The following HELZ variants were observed in gnomAD, a reference collection of about 807,000 sequenced individuals.
HELZ encodes the protein ATP-dependent RNA helicase with zinc finger domain.
In HELZ, 23 loss-of-function variants were observed where a neutral mutation model predicts 218.2. The observed-to-expected ratio is 0.11, with a 90% CI of 0.08 to 0.15. The LOEUF (loss-of-function observed/expected upper bound fraction) is 0.15. Ranked by LOEUF, HELZ falls within the 10% of genes least tolerant of loss-of-function variation. HELZ has a pLI of 1.00. For synonymous variants in HELZ, 814 were observed against 829.4 expected (o/e 0.98, Z 0.32); for missense variants, 1,813 against 2,353.7 (o/e 0.77, Z 4.75).
intron 3 of HELZ, among the ~76,000 whole-genome samples, chr17:67,233,288 G>A (rs2041086929): frequency 6.6e-6 from 1 of 152,204 alleles, no homozygotes; most frequent in South Asian, 2.1e-4. Context: ...GGGATGCGGA[G>A]GCTGCAGTGA....
At chr17:67,085,864 G>A (rs2036354884) in intron 32 of HELZ, among the ~76,000 whole-genome samples, 1 of 152,142 alleles carries the variant, frequency 6.6e-6, no homozygotes, top group Non-Finnish European at 1.5e-5. Flanking sequence ...CATCTTTAAG[G>A]CTAAAGAGGA....
chr17:67,128,948 C>A lies in HELZ; in HGVS notation c.3183-93G>T, dbSNP rs2037889258. The stretch of plus-strand genomic sequence containing the variant: ...ACTAAAGATAATCTCAAATTCCACC[C>A]CCAACCTCAAATCCTTAAACCCAAT... On this transcript the variant is annotated intron_variant, in intron 23 of 32. Coordinates refer to ENST00000358691, the MANE Select transcript of HELZ (RefSeq NM_014877.4). The A allele has an allele frequency of 4.2e-6, 4 of 961,402 alleles. No homozygotes were observed. In the Admixed American group the frequency reaches 7.9e-5, roughly 19 times the overall value. The allele number at this position is 961,402 out of a possible 1,614,324, so 59.6% of individuals were successfully genotyped here. A position where few individuals can be genotyped will look rare whatever the true frequency, so the allele number is the denominator to read the frequency against.
chr17:67,091,070 C>T (rs1476428037), intron 31 of HELZ, among the ~76,000 whole-genome samples: 1 of 152,036 alleles, frequency 6.6e-6, no homozygotes, highest in Non-Finnish European at 1.5e-5. Flanking sequence ...TTCCCTCTGA[C>T]ATGGCTTGAG....
At chr17:67,111,553 G>A (rs1320199656) in intron 28 of HELZ, among the ~76,000 whole-genome samples, 2 of 152,140 alleles carry the variant, frequency 1.3e-5, no homozygotes, top group Non-Finnish European at 2.9e-5. Context: ...TGCAGCTGGG[G>A]TACACTTGGT....
At chr17:67,242,606 T>C (rs1310585405) in intron 2 of HELZ, among the ~76,000 whole-genome samples, 1 of 150,212 alleles carries the variant, frequency 6.7e-6, no homozygotes, top group Non-Finnish European at 1.5e-5. Context: ...AAAGTTCAAA[T>C]TGGGAGGTCT....
At position 67,128,640 on chromosome 17, in the gene HELZ, A is replaced by G; in HGVS notation, c.3387+11T>C. 1 of 1,612,260 alleles carries G rather than the reference A, an allele frequency of 6.2e-7. No homozygotes were observed. The highest frequency in any genetic ancestry group is 8.5e-7 in the Non-Finnish European group (1 of 1,178,274). ...CTTTAACCTCTTCAATTTCATTAAC[A>G]GAGGCTTTACCTTGGGTGGTGATTG... is the stretch of plus-strand genomic sequence containing the variant. On this transcript the variant is annotated intron_variant, in intron 24 of 32. Coordinates refer to ENST00000358691, the MANE Select transcript of HELZ (RefSeq NM_014877.4).
intron 31 of HELZ, among the ~76,000 whole-genome samples, chr17:67,105,803 TA>T (rs1233430059): frequency 6.6e-6 from 1 of 152,242 alleles, no homozygotes; most frequent in Non-Finnish European, 1.5e-5. Flanking sequence ...ATTGTGCTTC[TA>T]ACTTACTTTA....
intron 23 of HELZ, among the ~76,000 whole-genome samples, chr17:67,134,713 T>G (rs182808227): frequency 6.6e-6 from 1 of 151,974 alleles, no homozygotes; most frequent in East Asian, 1.9e-4. Context: ...AACACAAAAA[T>G]AGATAATAAA....
intron 5 of HELZ, among the ~76,000 whole-genome samples, chr17:67,214,862 G>T (rs549848224): frequency 6.6e-6 from 1 of 152,052 alleles, no homozygotes; most frequent in African/African-American, 2.4e-5. Context: ...CCTGAAACAG[G>T]AGACCAGGTG....
chr17:67,087,828 A>AT (rs2036440379), intron 31 of HELZ, among the ~76,000 whole-genome samples: 1 of 152,164 alleles, frequency 6.6e-6, no homozygotes, highest in Non-Finnish European at 1.5e-5. Context: ...CCATGTCAAG[A>AT]TTTTTTTATA....
intron 31 of HELZ, among the ~76,000 whole-genome samples, chr17:67,100,977 G>T (rs894536684): frequency 6.6e-6 from 1 of 151,982 alleles, no homozygotes; most frequent in Non-Finnish European, 1.5e-5. Flanking sequence ...GGGCGCAGTG[G>T]TGGGTACCTG....
chr17:67,084,246 C>T (rs556824514), intron 32 of HELZ, among the ~76,000 whole-genome samples: 65 of 152,278 alleles, frequency 4.3e-4, no homozygotes, highest in African/African-American at 1.5e-3. Context: ...AAAATAATGA[C>T]TTTATATTTG....
At chr17:67,207,283 T>G (rs1881445790) in intron 5 of HELZ, among the ~76,000 whole-genome samples, 1 of 140,982 alleles carries the variant, frequency 7.1e-6, no homozygotes, top group South Asian at 2.3e-4. Flanking sequence ...TGCAGTGGCA[T>G]GATTAGGCTC....
rs780799179 is a variant in HELZ at position 67,123,988 on chromosome 17, A to T, written c.3414T>A (p.Asn1138Lys). ...CAATTCCATCATTCTGGAAGTGATC[A>T]TTCTGGGTATGATGAAGACTTTTCC... Reference protein sequence around the residue: ...PKGKSLHHTQNDHFQNDGIVQ... With the variant: ...PKGKSLHHTQKDHFQNDGIVQ... Residue 1138 changes from asparagine (N) to lysine (K), a missense_variant, in exon 25 of 33, where the codon AAT (asparagine) becomes AAA (lysine). By Grantham distance (94) the Asn-to-Lys change is moderately conservative. Coordinates refer to ENST00000358691, the MANE Select transcript of HELZ (RefSeq NM_014877.4). 8 of 1,607,948 alleles carry T rather than the reference A, an allele frequency of 5.0e-6. No individual in the cohort carries two copies. The East Asian group carries it at 1.8e-4, about 36-fold the overall frequency.
At chr17:67,163,610 G>A (rs2039053953) in intron 15 of HELZ, among the ~76,000 whole-genome samples, 1 of 151,994 alleles carries the variant, frequency 6.6e-6, no homozygotes, top group African/African-American at 2.4e-5. Flanking sequence ...CACCATGTTA[G>A]CCAGGATGGT....
chr17:67,237,832 T>C (rs115600368), intron 3 of HELZ, among the ~76,000 whole-genome samples: 1,617 of 149,876 alleles, frequency 0.011, 30 homozygotes, highest in African/African-American at 0.037. Context: ...CCAGTAAAAA[T>C]ACAAAATTAG....
At chr17:67,106,597 G>A (rs2037111641) in intron 31 of HELZ, among the ~76,000 whole-genome samples, 1 of 152,222 alleles carries the variant, frequency 6.6e-6, no homozygotes, top group Non-Finnish European at 1.5e-5. Flanking sequence ...GTGAGCCACT[G>A]CACCCGGCAG....
At chr17:67,156,912 A>T (rs144896384) in intron 17 of HELZ, among the ~76,000 whole-genome samples, 42 of 152,298 alleles carry the variant, frequency 2.8e-4, no homozygotes, top group African/African-American at 9.9e-4. Context: ...GGTAGGGCCC[A>T]GTGGGAGGTG....
chr17:67,213,175 T>G (rs2040501493), intron 5 of HELZ, among the ~76,000 whole-genome samples: 1 of 152,148 alleles, frequency 6.6e-6, no homozygotes, highest in African/African-American at 2.4e-5. Flanking sequence ...TCACTAGCAC[T>G]CAGGGCAATG....
Sources: allele counts gnomAD v4.1 joint callset (sites outside exome capture counted in the v4.1 genomes callset), GRCh38; gene constraint gnomAD v4.1.1; transcripts MANE v1.5; gene names NCBI Gene and HGNC (gene_info 2026-07-23, HGNC 2026-07-21).